Variants in XK observed in about 807,000 individuals in gnomAD.
XK encodes X-linked Kx blood group antigen, Kell and VPS13A binding protein.
A neutral mutation model predicts 14.0 loss-of-function variants in XK; 2 were observed. The observed-to-expected ratio is 0.14, with a 90% CI of 0.06 to 0.45. XK has a LOEUF of 0.45. Among genes scored for constraint, XK ranks in the 20% least tolerant of loss-of-function variants. The probability of loss-of-function intolerance (pLI) is 0.98; values close to 1 mark genes in which losing one functional copy is unlikely to be tolerated. For missense variants in XK, 235 were observed against 341.5 expected (o/e 0.69, Z 2.46); for synonymous variants, 149 against 147.5 (o/e 1.01, Z -0.08).
intron 2 of XK, among the ~76,000 whole-genome samples, chrX:37,714,450 T>C (rs1927724504): frequency 9.0e-6 from 1 of 111,448 alleles, no homozygotes; most frequent in East Asian, 2.8e-4. Context: ...CAGAATTTTC[T>C]GAGAGTGACA....
chrX:37,711,491 C>T (rs1284083163), intron 2 of XK, among the ~76,000 whole-genome samples: 1 of 112,638 alleles, frequency 8.9e-6, no homozygotes, highest in Admixed American at 9.3e-5. Flanking sequence ...GATAAGACTT[C>T]AGCCTCTCTG....
chrX:37,718,722 C>T (rs1299912719), intron 2 of XK, among the ~76,000 whole-genome samples: 2 of 111,753 alleles, frequency 1.8e-5, no homozygotes, highest in East Asian at 2.8e-4. Context: ...CATATCCTTG[C>T]CAGCACTTGG....
At chrX:37,711,738 A>G (rs1403046337) in intron 2 of XK, among the ~76,000 whole-genome samples, 2 of 111,600 alleles carry the variant, frequency 1.8e-5, no homozygotes, top group African/African-American at 3.3e-5. Context: ...GAGAGTAGTC[A>G]TCTAAATAGA....
intron 2 of XK, among the ~76,000 whole-genome samples, chrX:37,694,803 G>A (rs1927278613): frequency 8.9e-6 from 1 of 111,933 alleles, no homozygotes; most frequent in Non-Finnish European, 1.9e-5. Flanking sequence ...AAGGTAGGGG[G>A]CTAGAATCTA....
intron 2 of XK, among the ~76,000 whole-genome samples, chrX:37,714,465 A>G (rs1556447374): frequency 6.3e-5 from 7 of 111,342 alleles, no homozygotes; most frequent in Non-Finnish European, 1.3e-4. Context: ...GTGACAAACT[A>G]ACACTACCAC....
Position 37,713,479 on chromosome X carries a change from T to C in XK, c.509-14157T>C, listed in dbSNP as rs72619423. Reference sequence around the variant, plus strand: ...CTACTTGTTGATAGGTGGTATTTCATAGGACTTCAGGAGCCATGTTTTAAC... The same window carrying C: ...CTACTTGTTGATAGGTGGTATTTCACAGGACTTCAGGAGCCATGTTTTAAC... On this transcript the variant is annotated intron_variant, in intron 2 of 2. Transcript: ENST00000378616. Among the ~76,000 whole-genome samples the C allele has an allele frequency of 2.8e-4, 31 of 111,973 alleles. No homozygotes were observed. In the East Asian group the frequency reaches 5.1e-3, roughly 18 times the overall value.
chrX:37,688,059 C>CTTTCTTT (rs1222917921), intron 1 of XK, among the ~76,000 whole-genome samples: 5 of 54,635 alleles, frequency 9.2e-5, no homozygotes, highest in African/African-American at 2.0e-4. Flanking sequence ...TTCTTTCTTT[C>CTTTCTTT]TTTTTTTTTT....
intron 2 of XK, among the ~76,000 whole-genome samples, chrX:37,695,438 TA>T (rs369105176): frequency 0.024 from 2,399 of 101,186 alleles, 36 homozygotes; most frequent in African/African-American, 0.063. Context: ...TTGGTTAAGT[TA>T]AAAAAAAAAA....
chrX:37,695,438 T>TAAA lies in XK; in HGVS notation c.508+900_508+902dup, dbSNP rs369105176. Among the ~76,000 whole-genome samples, 46 of 101,506 alleles carry TAAA rather than the reference T, an allele frequency of 4.5e-4. No individual in the cohort carries two copies. The East Asian group carries it at 0.011, about 25-fold the overall frequency. 88.1% of individuals were successfully genotyped at this position (101,506 alleles called of 115,157 possible). On this transcript the variant is annotated intron_variant, in intron 2 of 2. Transcript: ENST00000378616. The stretch of plus-strand genomic sequence containing the variant: ...AATTAAGAGCAGATTTTGGTTAAGT[T>TAAA]AAAAAAAAAAAACACTATTTGCATC...
intron 2 of XK, among the ~76,000 whole-genome samples, chrX:37,715,907 C>T (rs1392008497): frequency 9.0e-6 from 1 of 111,176 alleles, no homozygotes; most frequent in Non-Finnish European, 1.9e-5. Context: ...TGCTTCCATC[C>T]ACCCACCAAG....
At chrX:37,686,260 T>G in intron 1 of XK, 54 bp downstream of exon 1, 1 of 1,187,756 alleles carries the variant, frequency 8.4e-7, no homozygotes, top group Non-Finnish European at 1.1e-6. Context: ...TCCTGTAGCC[T>G]GATCTCCCCA....
chrX:37,694,251 T>C (rs1927262696), intron 1 of XK, 35 bp from the exon 2 acceptor site: 1 of 1,206,963 alleles, frequency 8.3e-7, no homozygotes, highest in African/African-American at 1.7e-5. Flanking sequence ...ATCCTGTCTG[T>C]CTCTAATTAT....
At chrX:37,724,943 A>G (rs782633226) in intron 2 of XK, among the ~76,000 whole-genome samples, 5 of 111,873 alleles carry the variant, frequency 4.5e-5, no homozygotes, top group Admixed American at 9.5e-5. Context: ...AATTAAAACA[A>G]TAATGAGGTA....
chrX:37,710,443 G>A (rs1927640759), intron 2 of XK, among the ~76,000 whole-genome samples: 1 of 111,631 alleles, frequency 9.0e-6, no homozygotes, highest in African/African-American at 3.3e-5. Context: ...TTTTCAAAAG[G>A]GTAAAATTAT....
intron 2 of XK, among the ~76,000 whole-genome samples, chrX:37,722,540 A>G (rs1343698023): frequency 8.9e-6 from 1 of 112,241 alleles, no homozygotes; most frequent in East Asian, 2.8e-4. Flanking sequence ...TCTGTTGAAA[A>G]TTCTAATTTT....
intron 2 of XK, among the ~76,000 whole-genome samples, chrX:37,701,496 G>C (rs1422502494): frequency 8.9e-6 from 1 of 112,701 alleles, no homozygotes; most frequent in Non-Finnish European, 1.9e-5. Context: ...CTGTTGGCCA[G>C]ATGCTGCCCA....
rs1222330719 is a variant in XK, at chrX:37,688,059, CTTTTT to C, written c.245+1868_245+1872del. Among the ~76,000 whole-genome samples, 383 of 54,600 alleles carry C rather than the reference CTTTTT, an allele frequency of 7.0e-3. 8 individuals are homozygous for C. The highest frequency in any genetic ancestry group is 0.037 in the African/African-American group (365 of 9,739). The allele number at this position is 54,600 out of a possible 115,157, so 47.4% of individuals were successfully genotyped here. On this transcript the variant is annotated intron_variant, in intron 1 of 2. Transcript: ENST00000378616. ...TCTTTCTTTCTTTCTTTCTTTCTTT[CTTTTT>C]TTTTTTTTTTTTTTGAGACGGAGTC...
chrX:37,697,474 G>T (rs1556442673), intron 2 of XK, among the ~76,000 whole-genome samples: 2 of 111,513 alleles, frequency 1.8e-5, no homozygotes, highest in Non-Finnish European at 3.8e-5. Context: ...TGTCCCTCTT[G>T]ACAGAAGGAC....
intron 2 of XK, among the ~76,000 whole-genome samples, chrX:37,704,685 A>G (rs1164644283): frequency 4.5e-5 from 5 of 111,683 alleles, no homozygotes; most frequent in Admixed American, 1.9e-4. Flanking sequence ...AAAATACAAA[A>G]TTAGCTGGGC....
Sources: gnomAD v4.1 joint callset for allele counts (sites outside exome capture counted in the v4.1 genomes callset) on GRCh38, gnomAD v4.1.1 for gene constraint, MANE v1.5 for transcripts, NCBI Gene and HGNC (gene_info 2026-07-23, HGNC 2026-07-21) for gene names.